Variants in TNFRSF11A observed in about 807,000 individuals in gnomAD.
The protein encoded by TNFRSF11A is TNF receptor superfamily member 11a, also known as tumor necrosis factor receptor superfamily member 11A.
Under a neutral mutation model 55.7 loss-of-function variants are expected in TNFRSF11A, and 32 were observed. The observed-to-expected ratio is 0.57, with a 90% CI of 0.43 to 0.77. The LOEUF is 0.77. Among genes scored for constraint, TNFRSF11A ranks in the 30% least tolerant of loss-of-function variants. The pLI is 0.00. For synonymous variants in TNFRSF11A, 311 were observed against 331.0 expected (o/e 0.94, Z 0.65); for missense variants, 753 against 809.8 (o/e 0.93, Z 0.85).
At chr18:62,354,055 C>G (rs1165585446) in intron 3 of TNFRSF11A, among the ~76,000 whole-genome samples, 1 of 152,228 alleles carries the variant, frequency 6.6e-6, no homozygotes, top group Non-Finnish European at 1.5e-5. Flanking sequence ...AACGAGGAAG[C>G]TCAACTCTGT....
In TNFRSF11A at chr18:62,344,097, C is replaced by G. The variant is rs148849677; in HGVS notation, c.76-4071C>G. Among the ~76,000 whole-genome samples the G allele has an allele frequency of 3.9e-4, 59 of 152,304 alleles. 1 individual carries two copies. The highest frequency in any genetic ancestry group is 1.4e-3 in the African/African-American group (58 of 41,572). The stretch of plus-strand genomic sequence containing the variant: ...CCCTCGATTAGATCACAAGTTCATT[C>G]TCCTTTCACCTCCAGAAGAATGCAC... On this transcript the variant is annotated intron_variant, in intron 1 of 9. Coordinates refer to ENST00000586569, the MANE Select transcript of TNFRSF11A (RefSeq NM_003839.4).
intron 9 of TNFRSF11A, among the ~76,000 whole-genome samples, chr18:62,373,325 G>A (rs1910680356): frequency 6.6e-6 from 1 of 152,156 alleles, no homozygotes; most frequent in South Asian, 2.1e-4. Flanking sequence ...TGGGCATGGT[G>A]GCATGCGCCT....
intron 9 of TNFRSF11A, among the ~76,000 whole-genome samples, chr18:62,382,953 AGACTTGAGAAGTAACTT>A (rs1371157287): frequency 6.6e-5 from 10 of 152,232 alleles, no homozygotes. Flanking sequence ...TGGTGACAAC[AGACTTGAGAAGTAACTT>A]GGTAAGTGGT....
chr18:62,343,330 T>C lies in TNFRSF11A; in HGVS notation c.76-4838T>C, dbSNP rs144130648. ...CCAAGCCTCTTTCTACATCGTTCGA[T>C]GTCAGCATGAATTTTCAGTGGAGCA... On this transcript the variant is annotated intron_variant, in intron 1 of 9. Transcript: ENST00000586569. 1.4e-4 allele frequency among the ~76,000 whole-genome samples: 22 copies of C among 152,350 alleles called. No homozygotes were observed. In the East Asian group the frequency reaches 3.3e-3, roughly 23 times the overall value.
chr18:62,329,588 C>T (rs752776145), intron 1 of TNFRSF11A, among the ~76,000 whole-genome samples: 10 of 152,204 alleles, frequency 6.6e-5, no homozygotes, highest in Non-Finnish European at 1.5e-4. Context: ...TGCCCCAAAA[C>T]GCTAAGCTTG....
At chr18:62,352,043 G>A (rs566747058) in intron 3 of TNFRSF11A, among the ~76,000 whole-genome samples, 12 of 152,262 alleles carry the variant, frequency 7.9e-5, no homozygotes, top group South Asian at 4.1e-4. Context: ...GGATCCCCCC[G>A]CCTCGGCCTC....
At chr18:62,371,922 TG>T (rs1910582858) in intron 9 of TNFRSF11A, among the ~76,000 whole-genome samples, 1 of 152,198 alleles carries the variant, frequency 6.6e-6, no homozygotes, top group Admixed American at 6.5e-5. Flanking sequence ...ATGTGACATT[TG>T]TTTAAGGGTT....
intron 1 of TNFRSF11A, among the ~76,000 whole-genome samples, chr18:62,339,466 C>G (rs1047753716): frequency 2.7e-5 from 4 of 150,408 alleles, no homozygotes; most frequent in African/African-American, 9.6e-5. Flanking sequence ...CCTTCCTCGT[C>G]CACGATCAGG....
intron 3 of TNFRSF11A, 143 bp from the exon 4 acceptor site, chr18:62,354,248 C>G: frequency 9.5e-7 from 1 of 1,054,686 alleles, no homozygotes; most frequent in Non-Finnish European, 1.3e-6. Flanking sequence ...TGGGACTTCT[C>G]GAGCAGTGTC....
chr18:62,340,106 T>C (rs8094392), intron 1 of TNFRSF11A, among the ~76,000 whole-genome samples: 106,239 of 151,680 alleles, frequency 0.7, 37,547 homozygotes, highest in African/African-American at 0.78. Context: ...ATGGGAAGAT[T>C]GCTTGAACCC....
rs1216966841 is a variant in TNFRSF11A at position 62,389,796 on chromosome 18, A to G, written c.*4762A>G. The G allele has an allele frequency of 6.6e-6, 1 of 152,226 alleles. No individual in the cohort carries two copies. Among genetic ancestry groups the G allele is most frequent in the Non-Finnish European group, 1.5e-5 (1 of 68,038 alleles). The allele number at this position is 152,226 out of a possible 1,614,324, so 9.4% of individuals were successfully genotyped here. On this transcript the variant is annotated 3_prime_UTR_variant, in exon 10 of 10. Transcript: ENST00000586569. Reference sequence around the variant, plus strand: ...GACAAAATTACAGGCCTGTTACCAGATCTTCGTACTAACCAAGGAGCTGGT... The same window carrying G: ...GACAAAATTACAGGCCTGTTACCAGGTCTTCGTACTAACCAAGGAGCTGGT...
At chr18:62,357,068 A>C (rs1231834846) in intron 4 of TNFRSF11A, among the ~76,000 whole-genome samples, 4 of 152,210 alleles carry the variant, frequency 2.6e-5, no homozygotes, top group African/African-American at 9.6e-5. Context: ...ATAAAGATTC[A>C]AGGCAAATCA....
At chr18:62,326,431 G>A (rs912318271) in intron 1 of TNFRSF11A, among the ~76,000 whole-genome samples, 1 of 152,232 alleles carries the variant, frequency 6.6e-6, no homozygotes, top group Non-Finnish European at 1.5e-5. Context: ...GTATGGGTCT[G>A]TCAGTATGGT....
At chr18:62,326,188 G>C (rs2046072376) in intron 1 of TNFRSF11A, among the ~76,000 whole-genome samples, 1 of 152,238 alleles carries the variant, frequency 6.6e-6, no homozygotes, top group Admixed American at 6.5e-5. Flanking sequence ...CTCTCACAGG[G>C]AAGGGCGAGT....
chr18:62,325,336 C>T lies in TNFRSF11A; in HGVS notation c.-17C>T. 6.9e-6 allele frequency: 7 copies of T among 1,011,200 alleles called. No homozygotes were observed. Among genetic ancestry groups the T allele is most frequent in the Non-Finnish European group, 8.3e-6 (7 of 847,118 alleles). The allele number at this position is 1,011,200 out of a possible 1,614,324, so 62.6% of individuals were successfully genotyped here. A position where few individuals can be genotyped will look rare whatever the true frequency, so the allele number is the denominator to read the frequency against. On this transcript the variant is annotated 5_prime_UTR_variant, in exon 1 of 10. Coordinates refer to ENST00000586569, the MANE Select transcript of TNFRSF11A (RefSeq NM_003839.4). This position sits in a 1 kb window ranked among gnomAD's most constrained non-coding sequence, Gnocchi z 4.7. ...GAGGCCGCTGAGGCCGCGGCGCCCGCCAGCCTGTCCCGCGCCATGGCCCCG... is the reference window on the plus strand; with the variant it reads ...GAGGCCGCTGAGGCCGCGGCGCCCGTCAGCCTGTCCCGCGCCATGGCCCCG...
At chr18:62,372,263 C>T (rs1482951603) in intron 9 of TNFRSF11A, among the ~76,000 whole-genome samples, 3 of 152,144 alleles carry the variant, frequency 2.0e-5, no homozygotes, top group Admixed American at 6.5e-5. Context: ...TCTGAAGTTA[C>T]GCCTAATCCT....
intron 7 of TNFRSF11A, among the ~76,000 whole-genome samples, chr18:62,362,490 C>CAAAAAAAAAAAAAAAAAAAAAAAAA (rs57219485): frequency 1.3e-5 from 1 of 75,872 alleles, no homozygotes; most frequent in Non-Finnish European, 2.4e-5. Flanking sequence ...AACTTCATCT[C>CAAAAAAAAAAAAAAAAAAAAAAAAA]AAAAAAAAAA....
rs1909972244 is a variant in TNFRSF11A, at chr18:62,365,021, A to G, written c.731-1687A>G. 2.0e-5 allele frequency among the ~76,000 whole-genome samples: 3 copies of G among 152,176 alleles called. No homozygotes were observed. In the South Asian group the frequency reaches 6.2e-4, roughly 32 times the overall value. ...ACCCAGGCAGGACTGCAGTGGCACA[A>G]GCGTGGCTCACTGCAGCCTCGACCT... On this transcript the variant is annotated intron_variant, in intron 7 of 9. Coordinates refer to ENST00000586569, the MANE Select transcript of TNFRSF11A (RefSeq NM_003839.4).
At chr18:62,345,653 C>T (rs1305540684) in intron 1 of TNFRSF11A, among the ~76,000 whole-genome samples, 1 of 152,142 alleles carries the variant, frequency 6.6e-6, no homozygotes, top group African/African-American at 2.4e-5. Flanking sequence ...GGTTGTTCAA[C>T]CTTGCCAAAG....
Sources: gnomAD v4.1 joint callset for allele counts (sites outside exome capture counted in the v4.1 genomes callset) on GRCh38, gnomAD v4.1.1 for gene constraint, Gnocchi (gnomAD v3.1) non-coding constraint, MANE v1.5 for transcripts, NCBI Gene and HGNC (gene_info 2026-07-23, HGNC 2026-07-21) for gene names.